NINJ2: variants seen among roughly 807,000 people sequenced by gnomAD.
NINJ2 encodes the protein ninjurin-2.
In NINJ2, 12 loss-of-function variants were observed where a neutral mutation model predicts 11.7. The observed-to-expected ratio is 1.02, with a 90% CI of 0.66 to 1.66. The LOEUF is 1.66. Ranked by LOEUF, NINJ2 falls within the 40% of genes most tolerant of loss-of-function variation. The pLI is 0.00. For missense variants in NINJ2, 187 were observed against 181.8 expected (o/e 1.03, Z -0.16); for synonymous variants, 93 against 76.8 (o/e 1.21, Z -1.10).
At chr12:606,830 G>A (rs1238409111) in intron 1 of NINJ2, among the ~76,000 whole-genome samples, 2 of 152,210 alleles carry the variant, frequency 1.3e-5, no homozygotes, top group Non-Finnish European at 2.9e-5. Context: ...ACTGTGGGCC[G>A]AGTTGCTTTG....
intron 1 of NINJ2, among the ~76,000 whole-genome samples, chr12:575,233 C>G (rs1947438544): frequency 6.6e-6 from 1 of 152,234 alleles, no homozygotes; most frequent in East Asian, 1.9e-4. Flanking sequence ...CATTGGGTCT[C>G]CAGGGTCATT....
At chr12:599,307 G>A (rs367719422) in intron 1 of NINJ2, among the ~76,000 whole-genome samples, 2 of 152,124 alleles carry the variant, frequency 1.3e-5, no homozygotes, top group East Asian at 1.9e-4. Context: ...TTTCTTGAAC[G>A]CGGGAGGCGG....
intron 1 of NINJ2, among the ~76,000 whole-genome samples, chr12:600,090 T>C (rs1043828641): frequency 6.6e-6 from 1 of 152,140 alleles, no homozygotes; most frequent in African/African-American, 2.4e-5. Context: ...CCTGAGCCAC[T>C]GGGGGGTCTT....
chr12:642,769 A>T (rs1420311405), intron 1 of NINJ2: 1 of 151,990 alleles, frequency 6.6e-6, no homozygotes, highest in African/African-American at 2.4e-5. Context: ...CCCGCGGGGG[A>T]AGGAAGAGAT....
chr12:660,873 A>G (rs533401333), intron 1 of NINJ2, among the ~76,000 whole-genome samples: 4 of 152,274 alleles, frequency 2.6e-5, no homozygotes, highest in East Asian at 3.9e-4. Context: ...AGGCAGGAGA[A>G]TCACTTGAAC....
chr12:577,879 A>T (rs1019502917), intron 1 of NINJ2, among the ~76,000 whole-genome samples: 2 of 150,780 alleles, frequency 1.3e-5, no homozygotes, highest in Non-Finnish European at 3.0e-5. Flanking sequence ...TTTTATTTTT[A>T]TTTTTTTTTA....
At chr12:570,932 T>C (rs1341031240) in intron 1 of NINJ2, among the ~76,000 whole-genome samples, 2 of 152,174 alleles carry the variant, frequency 1.3e-5, no homozygotes, top group Non-Finnish European at 2.9e-5. Flanking sequence ...GCAGAGGCCA[T>C]GGACAGCAGA....
At chr12:662,911 A>G (rs1229437525) in intron 1 of NINJ2, among the ~76,000 whole-genome samples, 2 of 152,218 alleles carry the variant, frequency 1.3e-5, no homozygotes, top group Non-Finnish European at 1.5e-5. Context: ...TGTAAAATGC[A>G]AAGTTGGCCA....
At chr12:586,754 G>A (rs528159509) in intron 1 of NINJ2, among the ~76,000 whole-genome samples, 1 of 152,368 alleles carries the variant, frequency 6.6e-6, no homozygotes, top group Admixed American at 6.5e-5. Flanking sequence ...ACTCCCACCA[G>A]GGTCCTTTCC....
rs570940873 is a variant in NINJ2 at position 588,977 on chromosome 12, CT to C, written c.34-22800del. Among the ~76,000 whole-genome samples the C allele has an allele frequency of 9.0e-4, 137 of 152,288 alleles. 1 individual carries two copies. Among genetic ancestry groups the C allele is most frequent in the Non-Finnish European group, 8.7e-4 (59 of 68,024 alleles). On this transcript the variant is annotated intron_variant, in intron 1 of 3. Coordinates refer to ENST00000305108, the MANE Select transcript of NINJ2 (RefSeq NM_016533.6). ...CAATCATTTTTTTTTGGAGGACAAT[CT>C]GACAATTATCTATTAAAATTTAAAA...
chr12:661,113 C>A (rs1937951998), intron 1 of NINJ2, among the ~76,000 whole-genome samples: 1 of 152,196 alleles, frequency 6.6e-6, no homozygotes, highest in Non-Finnish European at 1.5e-5. Flanking sequence ...GGGTCTGGCT[C>A]TGCCGCCCAG....
At chr12:570,004 C>T (rs1947355525) in intron 1 of NINJ2, among the ~76,000 whole-genome samples, 1 of 152,204 alleles carries the variant, frequency 6.6e-6, no homozygotes, top group African/African-American at 2.4e-5. Flanking sequence ...GGAACCCACG[C>T]GCAGGACGGG....
intron 1 of NINJ2, among the ~76,000 whole-genome samples, chr12:641,598 ACT>A (rs1948417162): frequency 6.6e-6 from 1 of 152,072 alleles, no homozygotes; most frequent in Admixed American, 6.6e-5. Context: ...CCCAGCCAGC[ACT>A]CTGGGAGGCC....
At chr12:615,878 G>A (rs973784998) in intron 1 of NINJ2, among the ~76,000 whole-genome samples, 3 of 152,190 alleles carry the variant, frequency 2.0e-5, no homozygotes, top group African/African-American at 7.2e-5. Context: ...ACAATTGGCA[G>A]AGCAGTTGTG....
chr12:638,899 A>G (rs1316230108), intron 1 of NINJ2, among the ~76,000 whole-genome samples: 1 of 152,204 alleles, frequency 6.6e-6, no homozygotes, highest in Non-Finnish European at 1.5e-5. Context: ...CATCAGTATC[A>G]ATCGGTATAT....
In NINJ2 at chr12:593,750, G is replaced by A. The variant is rs1488818647; in HGVS notation, c.34-27572C>T. Among the ~76,000 whole-genome samples the A allele has an allele frequency of 3.9e-5, 6 of 152,008 alleles. No individual in the cohort carries two copies. In the East Asian group the frequency reaches 9.6e-4, roughly 24 times the overall value. On this transcript the variant is annotated intron_variant, in intron 1 of 3. Coordinates refer to ENST00000305108, the MANE Select transcript of NINJ2 (RefSeq NM_016533.6). ...GGAGGAGCAGAAGGAGGAGGAGGAA[G>A]AGGATGAGGAGAAGGAGGAAGAGGA...
intron 1 of NINJ2, among the ~76,000 whole-genome samples, chr12:567,966 C>T (rs879386792): frequency 6.6e-6 from 1 of 152,176 alleles, no homozygotes; most frequent in Admixed American, 6.5e-5. Flanking sequence ...GAGATCGCAC[C>T]ATTGCACTCT....
intron 1 of NINJ2, among the ~76,000 whole-genome samples, chr12:629,535 T>G (rs1365288570): frequency 6.6e-6 from 1 of 152,182 alleles, no homozygotes; most frequent in Non-Finnish European, 1.5e-5. Context: ...GTGGGCCCCG[T>G]GCAGCCCAGG....
At chr12:596,002 A>C (rs1214606791) in intron 1 of NINJ2, among the ~76,000 whole-genome samples, 3 of 152,218 alleles carry the variant, frequency 2.0e-5, no homozygotes, top group Non-Finnish European at 2.9e-5. Context: ...AATCCAGAAC[A>C]CTGACAATAC....
Sources: allele counts gnomAD v4.1 joint callset (sites outside exome capture counted in the v4.1 genomes callset), GRCh38; gene constraint gnomAD v4.1.1; transcripts MANE v1.5; gene names NCBI Gene and HGNC (gene_info 2026-07-23, HGNC 2026-07-21).